Variants in PBX1 observed in about 807,000 individuals in gnomAD.
The protein encoded by PBX1 is pre-B-cell leukemia transcription factor 1.
PBX1 carries 6 observed loss-of-function variants against 53.4 expected under a neutral mutation model. The ratio of observed to expected loss-of-function variants is 0.11; its 90% CI spans 0.06 to 0.22. The LOEUF (loss-of-function observed/expected upper bound fraction) is 0.22. Among genes scored for constraint, PBX1 ranks in the 10% least tolerant of loss-of-function variants. The pLI is 1.00. For missense variants in PBX1, 251 were observed against 551.4 expected, an observed-to-expected ratio of 0.46 and a Z score of 5.46; for synonymous variants, 204 against 212.3, an observed-to-expected ratio of 0.96 and a Z score of 0.34.
chr1:164,632,626 A>G (rs1011959383), intron 2 of PBX1, among the ~76,000 whole-genome samples: 5 of 152,190 alleles, frequency 3.3e-5, no homozygotes, highest in East Asian at 3.9e-4. Flanking sequence ...TGTGCAAACT[A>G]TGTGTTTGGG....
Position 164,851,505 on chromosome 1 carries a change from A to G in PBX1, c.*4829A>G, listed in dbSNP as rs1199967377. Reference sequence around the variant, plus strand: ...TTTGTTAAAATAAATAAAACATTCAATGTTTTTCTCCTTTTCTCTCTTATT... The same window carrying G: ...TTTGTTAAAATAAATAAAACATTCAGTGTTTTTCTCCTTTTCTCTCTTATT... On this transcript the variant is annotated 3_prime_UTR_variant, in exon 9 of 9. Coordinates refer to ENST00000420696, the MANE Select transcript of PBX1 (RefSeq NM_002585.4). 3 of 189,576 alleles carry G rather than the reference A, an allele frequency of 1.6e-5. No homozygotes were observed. The highest frequency in any genetic ancestry group is 3.3e-5 in the Non-Finnish European group (3 of 90,224). 11.7% of individuals were successfully genotyped at this position (189,576 alleles called of 1,614,324 possible).
intron 2 of PBX1, among the ~76,000 whole-genome samples, chr1:164,615,358 A>G (rs1571070861): frequency 6.6e-6 from 1 of 152,182 alleles, no homozygotes; most frequent in African/African-American, 2.4e-5. Context: ...CTAAGTCACT[A>G]TCTTTTTCTC....
intron 2 of PBX1, among the ~76,000 whole-genome samples, chr1:164,599,468 C>T (rs982605832): frequency 2.6e-5 from 4 of 152,236 alleles, no homozygotes; most frequent in South Asian, 2.1e-4. Flanking sequence ...ATTTTGCCAG[C>T]GGCCTCTTCT....
At chr1:164,595,228 GT>G (rs1048910551) in intron 2 of PBX1, among the ~76,000 whole-genome samples, 7 of 152,210 alleles carry the variant, frequency 4.6e-5, no homozygotes, top group Non-Finnish European at 1.0e-4. Flanking sequence ...GTGGAATGAA[GT>G]TATTGTTGCC....
At chr1:164,741,597 CTTT>C (rs1219574600) in intron 2 of PBX1, among the ~76,000 whole-genome samples, 1 of 152,118 alleles carries the variant, frequency 6.6e-6, no homozygotes, top group Admixed American at 6.6e-5. Context: ...CCTTTTGTTT[CTTT>C]CTTTTTCAGT....
intron 2 of PBX1, among the ~76,000 whole-genome samples, chr1:164,786,681 CTGTG>C (rs74747780): frequency 0.15 from 21,082 of 140,342 alleles, 1,629 homozygotes; most frequent in African/African-American, 0.18. Flanking sequence ...TCAGAAGAGA[CTGTG>C]TGTGTGTGTG....
At chr1:164,793,871 TC>T (rs771355354) in intron 3 of PBX1, among the ~76,000 whole-genome samples, 2 of 136,836 alleles carry the variant, frequency 1.5e-5, no homozygotes, top group African/African-American at 5.5e-5. Context: ...TTTTTTCCTT[TC>T]TTTTTTTTTT....
chr1:164,620,978 C>T (rs978127071), intron 2 of PBX1, among the ~76,000 whole-genome samples: 13 of 151,554 alleles, frequency 8.6e-5, no homozygotes, highest in East Asian at 5.8e-4. Flanking sequence ...CCACTGCGCC[C>T]GGCATTAAAA....
At chr1:164,682,316 C>T (rs1385726395) in intron 2 of PBX1, 8 of 152,086 alleles carry the variant, frequency 5.3e-5, no homozygotes, top group East Asian at 3.9e-4. Context: ...GCAGGTATTT[C>T]GAAAAAAGCC....
intron 2 of PBX1, among the ~76,000 whole-genome samples, chr1:164,661,156 CTG>C (rs538110545): frequency 9.0e-4 from 137 of 152,322 alleles, no homozygotes; most frequent in African/African-American, 3.2e-3. Flanking sequence ...CTTTATTTGA[CTG>C]TGAATTCTTC....
intron 2 of PBX1, among the ~76,000 whole-genome samples, chr1:164,873,760 G>C (rs1230106210): frequency 6.6e-6 from 1 of 152,150 alleles, no homozygotes. Flanking sequence ...TTTGCACAAA[G>C]TATTATTGAA....
chr1:164,647,026 G>A (rs1659495362), intron 2 of PBX1, among the ~76,000 whole-genome samples: 1 of 152,184 alleles, frequency 6.6e-6, no homozygotes, highest in Non-Finnish European at 1.5e-5. Flanking sequence ...AGCCCTACAG[G>A]CTCGGGGGTC....
chr1:164,750,118 AAAG>A (rs1557983896), intron 2 of PBX1, among the ~76,000 whole-genome samples: 1 of 150,638 alleles, frequency 6.6e-6, no homozygotes, highest in African/African-American at 2.5e-5. Context: ...AGAAAAAAAA[AAAG>A]AGCTTTCAAA....
At chr1:164,617,165 G>A (rs1252768513) in intron 2 of PBX1, among the ~76,000 whole-genome samples, 1 of 152,166 alleles carries the variant, frequency 6.6e-6, no homozygotes, top group Non-Finnish European at 1.5e-5. Flanking sequence ...TAAGACTAAT[G>A]TCTGTGGCTA....
chr1:164,792,065 A>C (rs11590695), intron 2 of PBX1, among the ~76,000 whole-genome samples: 40,555 of 151,720 alleles, frequency 0.27, 6,360 homozygotes, highest in African/African-American at 0.44. Flanking sequence ...CCTCGTGATC[A>C]ACCCCCCACT....
At chr1:164,663,260 G>T (rs1437488245) in intron 2 of PBX1, among the ~76,000 whole-genome samples, 2 of 132,896 alleles carry the variant, frequency 1.5e-5, no homozygotes, top group Admixed American at 8.3e-5. Flanking sequence ...CTGCCTGCCT[G>T]CCTGCCTGCC....
At chr1:164,751,724 G>T (rs570922521) in intron 2 of PBX1, among the ~76,000 whole-genome samples, 56 of 151,870 alleles carry the variant, frequency 3.7e-4, no homozygotes, top group Non-Finnish European at 6.9e-4. Context: ...TGGGGTTACA[G>T]GCGCCTGCCA....
intron 5 of PBX1, among the ~76,000 whole-genome samples, chr1:164,808,303 T>C (rs1178616932): frequency 6.6e-6 from 1 of 152,154 alleles, no homozygotes; most frequent in African/African-American, 2.4e-5. Context: ...AAAATTTTTA[T>C]AGGCCTAGAG....
At chr1:164,623,851 G>A (rs901466031) in intron 2 of PBX1, among the ~76,000 whole-genome samples, 2 of 152,190 alleles carry the variant, frequency 1.3e-5, no homozygotes, top group Non-Finnish European at 2.9e-5. Flanking sequence ...AGCCTAATTA[G>A]TGGAATATAT....
Sources: allele counts gnomAD v4.1 joint callset (sites outside exome capture counted in the v4.1 genomes callset), GRCh38; gene constraint gnomAD v4.1.1; transcripts MANE v1.5; gene names NCBI Gene and HGNC (gene_info 2026-07-23, HGNC 2026-07-21).